GRIK2: variants seen among roughly 807,000 people sequenced by gnomAD.
The protein encoded by GRIK2 is glutamate ionotropic receptor kainate type subunit 2, also known as glutamate receptor ionotropic, kainate 2.
A neutral mutation model predicts 100.3 loss-of-function variants in GRIK2; 32 were observed. The ratio of observed to expected loss-of-function variants is 0.32; its 90% CI spans 0.24 to 0.43. The LOEUF (loss-of-function observed/expected upper bound fraction) is 0.43. Ranked by LOEUF, GRIK2 falls within the 20% of genes least tolerant of loss-of-function variation. GRIK2 has a pLI of 1.00. For missense variants in GRIK2, 843 were observed against 1,114.9 expected, an observed-to-expected ratio of 0.76 and a Z score of 3.47; for synonymous variants, 417 against 389.4, an observed-to-expected ratio of 1.07 and a Z score of -0.83.
chr6:101,739,091 C>T (rs1249256991), intron 7 of GRIK2, among the ~76,000 whole-genome samples: 1 of 152,192 alleles, frequency 6.6e-6, no homozygotes, highest in Non-Finnish European at 1.5e-5. Flanking sequence ...GTATTACTTA[C>T]ATGATTAAAT....
chr6:101,841,740 ACT>A (rs1247259043), intron 10 of GRIK2, among the ~76,000 whole-genome samples: 1 of 152,078 alleles, frequency 6.6e-6, no homozygotes, highest in African/African-American at 2.4e-5. Context: ...AATAAGTTAG[ACT>A]CTGACGATTT....
chr6:101,856,370 C>T (rs187017681), intron 10 of GRIK2, among the ~76,000 whole-genome samples: 67 of 152,214 alleles, frequency 4.4e-4, no homozygotes, highest in Admixed American at 2.4e-3. Flanking sequence ...TAAATGTGAG[C>T]TGTAATATAA....
In GRIK2 at chr6:101,553,947, G is replaced by A. The variant is rs75769770; in HGVS notation, c.116-68002G>A. Reference sequence around the variant, plus strand: ...CCAGAGGAACTATCTACTGACAGACGCAGTCACCTCAGTGGACGGGTGTTG... The same window carrying A: ...CCAGAGGAACTATCTACTGACAGACACAGTCACCTCAGTGGACGGGTGTTG... On this transcript the variant is annotated intron_variant, in intron 2 of 16. Transcript: ENST00000369134. Among the ~76,000 whole-genome samples, 732 of 152,270 alleles carry A rather than the reference G, an allele frequency of 4.8e-3. 2 individuals are homozygous for A. Among genetic ancestry groups the A allele is most frequent in the Non-Finnish European group, 7.8e-3 (533 of 68,018 alleles).
chr6:101,709,169 CAG>C (rs1204179683), intron 7 of GRIK2, among the ~76,000 whole-genome samples: 1 of 151,738 alleles, frequency 6.6e-6, no homozygotes, highest in Non-Finnish European at 1.5e-5. Context: ...AAAATGGAGG[CAG>C]AGATTCCATT....
intron 2 of GRIK2, among the ~76,000 whole-genome samples, chr6:101,579,241 T>C (rs1777934968): frequency 6.6e-6 from 1 of 152,142 alleles, no homozygotes. Flanking sequence ...CCCATGGTCA[T>C]GAACTTAGAA....
At chr6:101,469,037 T>A (rs1415330605) in intron 2 of GRIK2, among the ~76,000 whole-genome samples, 16 of 152,098 alleles carry the variant, frequency 1.1e-4, no homozygotes, top group Admixed American at 9.8e-4. Context: ...AAAAAAGAGT[T>A]TGGGTGGTCA....
intron 7 of GRIK2, among the ~76,000 whole-genome samples, chr6:101,733,615 C>G (rs1374604443): frequency 2.6e-5 from 4 of 151,516 alleles, no homozygotes; most frequent in African/African-American, 7.3e-5. Flanking sequence ...AGCTTTCTCT[C>G]TCTCTCTGGT....
chr6:101,530,913 A>G (rs1182323780), intron 2 of GRIK2, among the ~76,000 whole-genome samples: 1 of 151,990 alleles, frequency 6.6e-6, no homozygotes, highest in Non-Finnish European at 1.5e-5. Context: ...GGAAAGAGCC[A>G]TTGACGAATA....
intron 10 of GRIK2, 69 bp downstream of exon 10, chr6:101,818,552 T>C (rs527427379): frequency 2.4e-4 from 201 of 838,156 alleles, no homozygotes; most frequent in South Asian, 6.0e-4. Flanking sequence ...GAAAAGGACA[T>C]TATAATTGGA....
At chr6:101,409,649 TA>T (rs1481285878) in intron 2 of GRIK2, among the ~76,000 whole-genome samples, 1 of 152,030 alleles carries the variant, frequency 6.6e-6, no homozygotes, top group Admixed American at 6.6e-5. Flanking sequence ...TTAGGAAAAA[TA>T]AGTAAATCTT....
At chr6:101,970,018 T>C (rs1205421801) in intron 14 of GRIK2, among the ~76,000 whole-genome samples, 1 of 152,062 alleles carries the variant, frequency 6.6e-6, no homozygotes, top group Non-Finnish European at 1.5e-5. Context: ...CAGCACTTTG[T>C]AAAGGCCTGT....
At chr6:101,762,340 A>G (rs1162929813) in intron 7 of GRIK2, among the ~76,000 whole-genome samples, 2 of 151,860 alleles carry the variant, frequency 1.3e-5, no homozygotes, top group African/African-American at 4.8e-5. Context: ...AAGCCTGGCT[A>G]ATTTTTTTAT....
At chr6:101,790,955 A>T (rs1048131745) in intron 7 of GRIK2, among the ~76,000 whole-genome samples, 256 of 152,142 alleles carry the variant, frequency 1.7e-3, no homozygotes, top group African/African-American at 6.1e-3. Flanking sequence ...TATGTCGAGG[A>T]ATTTATCCAT....
intron 5 of GRIK2, among the ~76,000 whole-genome samples, chr6:101,682,334 G>A (rs2852564): frequency 0.19 from 29,069 of 152,144 alleles, 4,637 homozygotes; most frequent in African/African-American, 0.44. Context: ...CAAACATTCA[G>A]CTAATAGCTT....
chr6:101,792,817 C>G (rs913956763), intron 7 of GRIK2, among the ~76,000 whole-genome samples: 17 of 152,060 alleles, frequency 1.1e-4, no homozygotes, highest in African/African-American at 4.1e-4. Context: ...CAACTTGGTT[C>G]CATTCTCCCC....
At chr6:101,408,082 T>G (rs1775683337) in intron 2 of GRIK2, among the ~76,000 whole-genome samples, 1 of 152,204 alleles carries the variant, frequency 6.6e-6, no homozygotes, top group South Asian at 2.1e-4. Flanking sequence ...GCTTTAATAT[T>G]TAGGTTACAG....
At chr6:101,667,616 A>G (rs1312511677) in intron 4 of GRIK2, among the ~76,000 whole-genome samples, 10 of 152,116 alleles carry the variant, frequency 6.6e-5, no homozygotes, top group Admixed American at 5.9e-4. Context: ...TGAATGTATC[A>G]TGGTTCAAGG....
At chr6:101,653,997 C>T (rs1781940679) in intron 4 of GRIK2, among the ~76,000 whole-genome samples, 1 of 152,166 alleles carries the variant, frequency 6.6e-6, no homozygotes, top group South Asian at 2.1e-4. Context: ...TAATGTACCA[C>T]AACTGATGGT....
In GRIK2 at chr6:101,492,478, T is replaced by A. The variant is rs556548546; in HGVS notation, c.115+93086T>A. Among the ~76,000 whole-genome samples, 283 of 151,614 alleles carry A rather than the reference T, an allele frequency of 1.9e-3. 8 individuals are homozygous for A. In the South Asian group the frequency reaches 0.051, roughly 27 times the overall value. ...AAAAATGACTATGGACTCATTTTTT[T>A]AAAAAAAAATTCTATGAGTTATAAT... On this transcript the variant is annotated intron_variant, in intron 2 of 16. Transcript: ENST00000369134.
Sources: gnomAD v4.1 joint callset for allele counts (sites outside exome capture counted in the v4.1 genomes callset) on GRCh38, gnomAD v4.1.1 for gene constraint, MANE v1.5 for transcripts, NCBI Gene and HGNC (gene_info 2026-07-23, HGNC 2026-07-21) for gene names.